Variants in SMYD1 observed in about 807,000 individuals in gnomAD.
SMYD1 encodes the protein histone-lysine N-methyltransferase SMYD1.
In SMYD1, 49 loss-of-function variants were observed where a neutral mutation model predicts 54.0. The ratio of observed to expected loss-of-function variants is 0.91; its 90% CI spans 0.72 to 1.15. The LOEUF is 1.15. Among genes scored for constraint, SMYD1 ranks in the 50% most tolerant of loss-of-function variants. The probability of loss-of-function intolerance (pLI) is 0.00; values close to 1 mark genes in which losing one functional copy is unlikely to be tolerated. For missense variants in SMYD1, 653 were observed against 639.6 expected (o/e 1.02, Z -0.23); for synonymous variants, 269 against 234.2 (o/e 1.15, Z -1.36).
intron 7 of SMYD1, among the ~76,000 whole-genome samples, chr2:88,104,102 G>T (rs1222653631): frequency 6.6e-6 from 1 of 152,032 alleles, no homozygotes; most frequent in Non-Finnish European, 1.5e-5. Context: ...AAGTAGCTGG[G>T]ACTACAGGTG....
intron 1 of SMYD1, among the ~76,000 whole-genome samples, chr2:88,076,675 G>C (rs1338921108): frequency 1.3e-5 from 2 of 152,116 alleles, no homozygotes; most frequent in African/African-American, 4.8e-5. Flanking sequence ...ATATTGTGAA[G>C]TTATCTGGGT....
At chr2:88,105,465 T>C (rs1462425390) in intron 7 of SMYD1, among the ~76,000 whole-genome samples, 2 of 152,160 alleles carry the variant, frequency 1.3e-5, no homozygotes, top group Non-Finnish European at 2.9e-5. Context: ...GATGCTCAAG[T>C]ACCTTGTAAA....
rs1022802114 is a variant in SMYD1 at position 88,112,307 on chromosome 2, T to C, written c.*1795T>C. ...TTTCCCCATATTCGTAGTCTTTTTT[T>C]CCATCCTATCTTTCTAATATTTGTT... On this transcript the variant is annotated 3_prime_UTR_variant, in exon 10 of 10. Transcript: ENST00000419482. The C allele has an allele frequency of 1.5e-5, 9 of 607,930 alleles. No individual in the cohort carries two copies. Among genetic ancestry groups the C allele is most frequent in the Non-Finnish European group, 2.6e-5 (9 of 340,970 alleles). The allele number at this position is 607,930 out of a possible 1,614,324, so 37.7% of individuals were successfully genotyped here.
intron 3 of SMYD1, among the ~76,000 whole-genome samples, chr2:88,088,868 G>A (rs2103994347): frequency 6.6e-6 from 1 of 152,266 alleles, no homozygotes; most frequent in African/African-American, 2.4e-5. Flanking sequence ...CGGGAAGTGG[G>A]GGCGAGAACC....
chr2:88,078,476 G>A (rs1216548372), intron 1 of SMYD1, among the ~76,000 whole-genome samples: 1 of 152,152 alleles, frequency 6.6e-6, no homozygotes, highest in Non-Finnish European at 1.5e-5. Flanking sequence ...AGGTCACACA[G>A]CCAGTAGATA....
At chr2:88,097,803 GCA>G (rs3028133) in intron 6 of SMYD1, among the ~76,000 whole-genome samples, 4,145 of 149,808 alleles carry the variant, frequency 0.028, 65 homozygotes, top group Middle Eastern at 0.066. Context: ...ACATTAAAAG[GCA>G]CACACACACA....
intron 1 of SMYD1, among the ~76,000 whole-genome samples, chr2:88,075,534 C>CTTT (rs35091980): frequency 1.1e-4 from 11 of 103,578 alleles, no homozygotes; most frequent in African/African-American, 1.8e-4. Flanking sequence ...CCTTTTAATT[C>CTTT]TTTTTTTTTT....
Position 88,072,190 on chromosome 2 carries a change from A to G in SMYD1, c.137+4189A>G, listed in dbSNP as rs188704329. On this transcript the variant is annotated intron_variant, in intron 1 of 9. Coordinates refer to ENST00000419482, the MANE Select transcript of SMYD1 (RefSeq NM_198274.4). ...TTTTGAGATGAAATCTTGCTCTGTC[A>G]GCCAGGCTGGAGTGTAGTGGTGAGA... is the stretch of plus-strand genomic sequence containing the variant. 1.8e-4 allele frequency among the ~76,000 whole-genome samples: 28 copies of G among 152,296 alleles called. No individual in the cohort carries two copies. In the East Asian group the frequency reaches 3.3e-3, roughly 18 times the overall value.
Position 88,111,289 on chromosome 2 carries a change from T to C in SMYD1, c.*777T>C, listed in dbSNP as rs931308929. The C allele has an allele frequency of 1.3e-5, 2 of 152,268 alleles. No individual in the cohort carries two copies. Among genetic ancestry groups the C allele is most frequent in the African/African-American group, 4.8e-5 (2 of 41,470 alleles). 9.4% of individuals were successfully genotyped at this position (152,268 alleles called of 1,614,324 possible). On this transcript the variant is annotated 3_prime_UTR_variant, in exon 10 of 10. Transcript: ENST00000419482. ...CACAGAGAGGGAATAAGTCCCTCTA[T>C]CACCCTTATTACCAAGCCTTGTGGT...
rs1174953780 is a variant in SMYD1, at chr2:88,088,098, C to G, written c.528+23C>G. 20 of 1,589,886 alleles carry G rather than the reference C, an allele frequency of 1.3e-5. No individual in the cohort carries two copies. The Admixed American group carries it at 3.5e-4, about 28-fold the overall frequency. ...GTGGTAGGCCCCCTGCGTCCCTTCT[C>G]CATCCTCCCTGTCTGTCTCCTCTTT... On this transcript the variant is annotated intron_variant, in intron 3 of 9. Transcript: ENST00000419482.
chr2:88,088,919 T>C (rs1304167386), intron 3 of SMYD1, among the ~76,000 whole-genome samples: 6 of 152,082 alleles, frequency 3.9e-5, no homozygotes, highest in African/African-American at 1.4e-4. Context: ...TGGGGATGGA[T>C]GTGTTCCATC....
intron 1 of SMYD1, among the ~76,000 whole-genome samples, chr2:88,078,954 T>C (rs554687100): frequency 1.3e-5 from 2 of 152,366 alleles, no homozygotes; most frequent in Admixed American, 1.3e-4. Context: ...CCTAGCAAAA[T>C]TACAGAATGG....
At chr2:88,068,142 A>G in intron 1 of SMYD1, 141 bp downstream of exon 1, 2 of 1,200,142 alleles carry the variant, frequency 1.7e-6, no homozygotes, top group Admixed American at 5.7e-5. Flanking sequence ...TCTGAGAGCT[A>G]ATTTTTCTGG....
intron 6 of SMYD1, among the ~76,000 whole-genome samples, chr2:88,098,524 T>A (rs1674652614): frequency 6.6e-6 from 1 of 152,156 alleles, no homozygotes; most frequent in South Asian, 2.1e-4. Context: ...AGTTTCTCTA[T>A]CAAAACAACT....
chr2:88,097,686 G>T (rs923291065), intron 6 of SMYD1, among the ~76,000 whole-genome samples: 2 of 152,130 alleles, frequency 1.3e-5, no homozygotes, highest in African/African-American at 4.8e-5. Flanking sequence ...TGACCCTATT[G>T]CCAAGTAAGA....
chr2:88,087,483 C>T (rs938200670), intron 2 of SMYD1, among the ~76,000 whole-genome samples: 4 of 152,166 alleles, frequency 2.6e-5, no homozygotes, highest in Admixed American at 2.6e-4. Context: ...TTCTTCAGGG[C>T]CTTTGTACTC....
At chr2:88,108,899 A>C (rs1674946877) in intron 9 of SMYD1, among the ~76,000 whole-genome samples, 1 of 152,148 alleles carries the variant, frequency 6.6e-6, no homozygotes, top group Non-Finnish European at 1.5e-5. Flanking sequence ...AGCAAGAGAG[A>C]GAGGCAGAGG....
intron 9 of SMYD1, 131 bp downstream of exon 9, chr2:88,108,670 G>T: frequency 1.2e-6 from 1 of 858,146 alleles, no homozygotes. Flanking sequence ...ACTCAGAAAC[G>T]CTTTAGCCCA....
intron 1 of SMYD1, among the ~76,000 whole-genome samples, chr2:88,069,889 G>T (rs1372026722): frequency 1.3e-5 from 2 of 151,962 alleles, no homozygotes; most frequent in Non-Finnish European, 2.9e-5. Context: ...AGTACTTAAG[G>T]GCTACGTCTT....
Sources: gnomAD v4.1 joint callset for allele counts (sites outside exome capture counted in the v4.1 genomes callset) on GRCh38, gnomAD v4.1.1 for gene constraint, MANE v1.5 for transcripts, NCBI Gene and HGNC (gene_info 2026-07-23, HGNC 2026-07-21) for gene names.